The following FCRL2 variants were observed in gnomAD, a reference collection of about 807,000 sequenced individuals.
The protein encoded by FCRL2 is Fc receptor-like protein 2.
Under a neutral mutation model 59.8 loss-of-function variants are expected in FCRL2, and 48 were observed. That is an observed-to-expected ratio of 0.80 (90% CI 0.64 to 1.02). FCRL2 has a LOEUF of 1.02. Among genes scored for constraint, FCRL2 ranks in the 50% least tolerant of loss-of-function variants. The probability of loss-of-function intolerance (pLI) is 0.00; values close to 1 mark genes in which losing one functional copy is unlikely to be tolerated. For missense variants in FCRL2, 658 were observed against 597.3 expected, an observed-to-expected ratio of 1.10 and a Z score of -1.06; for synonymous variants, 251 against 229.5, an observed-to-expected ratio of 1.09 and a Z score of -0.85.
intron 5 of FCRL2, 193 bp from the exon 6 acceptor site, chr1:157,767,702 T>C: frequency 6.4e-7 from 1 of 1,560,248 alleles, no homozygotes; most frequent in Non-Finnish European, 8.7e-7. Flanking sequence ...ATATCAGTTC[T>C]GGGTGCTGCC....
At chr1:157,755,700 A>T (rs1228316276) in intron 7 of FCRL2, among the ~76,000 whole-genome samples, 2 of 152,362 alleles carry the variant, frequency 1.3e-5, no homozygotes, top group Middle Eastern at 3.4e-3. Context: ...AAGATGTTAC[A>T]GTTCTATACA....
Position 157,770,106 on chromosome 1 carries a change from T to A in FCRL2, c.355A>T (p.Ile119Phe). The change falls in exon 4 of 12, where the codon ATC (isoleucine) becomes TTC (phenylalanine). Residue 119 changes from isoleucine to phenylalanine, a missense_variant. By Grantham distance (21) the Ile-to-Phe change is conservative (BLOSUM62 0). Coordinates refer to ENST00000361516, the MANE Select transcript of FCRL2 (RefSeq NM_030764.4). ...PVLTASSFQP[I>F]EGGPVSLKCE... The stretch of plus-strand genomic sequence containing the variant: ...TTCAGGCTCACTGGACCCCCTTCGA[T>A]GGGCTGGAAGGAGCTGGCAGTCAGC... 6.2e-7 allele frequency: 1 copy of A among 1,614,142 alleles called. No homozygotes were observed. Among genetic ancestry groups the A allele is most frequent in the Non-Finnish European group, 8.5e-7 (1 of 1,180,032 alleles).
At chr1:157,750,408 T>C (rs1040551758) in intron 7 of FCRL2, among the ~76,000 whole-genome samples, 1 of 152,198 alleles carries the variant, frequency 6.6e-6, no homozygotes, top group Non-Finnish European at 1.5e-5. Flanking sequence ...CATGAGTGTA[T>C]GTGTGTAGCT....
At chr1:157,765,429 C>G (rs1407580782) in intron 7 of FCRL2, among the ~76,000 whole-genome samples, 1 of 152,218 alleles carries the variant, frequency 6.6e-6, no homozygotes, top group Admixed American at 6.5e-5. Flanking sequence ...GCAATTCTCT[C>G]TAACCCATTC....
In FCRL2 at chr1:157,767,281, T is replaced by C. The variant is rs1437165407; in HGVS notation, c.1112A>G (p.Asn371Ser). Reference sequence around the variant, plus strand: ...ACTGCACTGGGCCCCCAGGCCGTTGTTGGCCTCACAGGAGTAGTTTCCAGA... The same window carrying C: ...ACTGCACTGGGCCCCCAGGCCGTTGCTGGCCTCACAGGAGTAGTTTCCAGA... ...EHSGNYSCEANNGLGAQCSEA... is the reference protein window; with the variant it reads ...EHSGNYSCEASNGLGAQCSEA... Residue 371 changes from asparagine (N) to serine (S), a missense_variant, in exon 6 of 12, where the codon AAC (asparagine) becomes AGC (serine). Coordinates refer to ENST00000361516, the MANE Select transcript of FCRL2 (RefSeq NM_030764.4). 1.3e-5 allele frequency: 21 copies of C among 1,614,086 alleles called. No homozygotes were observed. In the Middle Eastern group the frequency reaches 4.9e-4, roughly 38 times the overall value.
intron 1 of FCRL2, 45 bp from the exon 2 acceptor site, chr1:157,775,840 C>A (rs781431557): frequency 9.4e-6 from 15 of 1,602,866 alleles, no homozygotes; most frequent in African/African-American, 1.3e-5. Flanking sequence ...AGCATTTGCC[C>A]TCATAATTTA....
At chr1:157,776,663 C>A (rs1650438139) in intron 1 of FCRL2, among the ~76,000 whole-genome samples, 1 of 152,098 alleles carries the variant, frequency 6.6e-6, no homozygotes, top group Admixed American at 6.5e-5. Flanking sequence ...ATCTGCTGAA[C>A]CCAAATCTTA....
chr1:157,748,441 C>CAAAT (rs58239785), intron 10 of FCRL2, 112 bp downstream of exon 10: 66,613 of 354,786 alleles, frequency 0.19, 8,242 homozygotes, highest in African/African-American at 0.36. Context: ...GATAGATAGA[C>CAAAT]AAATAAATAA....
chr1:157,770,498 A>C lies in FCRL2; in HGVS notation c.221T>G (p.Leu74Ter), dbSNP rs1649918723. The change falls in exon 3 of 12, where the codon TTA (leucine) becomes TGA (stop). Residue 74 changes from leucine to a stop codon, truncating the protein, a stop_gained. Transcript: ENST00000361516. LOFTEE classifies it high-confidence loss of function. ...FSDFLIQSAV[L>*]SDSGNYFCST... Reference sequence around the variant, plus strand: ...ACAGAAATAGTTACCACTGTCACTTAAAACTGCACTTTGGATAAGGAAATC... The same window carrying C: ...ACAGAAATAGTTACCACTGTCACTTCAAACTGCACTTTGGATAAGGAAATC... 7 of 1,614,188 alleles carry C rather than the reference A, an allele frequency of 4.3e-6. No individual in the cohort carries two copies. The highest frequency in any genetic ancestry group is 5.9e-6 in the Non-Finnish European group (7 of 1,179,978).
At chr1:157,760,090 C>T (rs192381324) in intron 7 of FCRL2, among the ~76,000 whole-genome samples, 4 of 152,268 alleles carry the variant, frequency 2.6e-5, no homozygotes, top group Admixed American at 2.6e-4. Flanking sequence ...GTTACATATA[C>T]ACTATGGAAT....
At chr1:157,748,816 C>G in intron 9 of FCRL2, 59 bp downstream of exon 9, 1 of 1,533,386 alleles carries the variant, frequency 6.5e-7, no homozygotes, top group Non-Finnish European at 9.0e-7. Flanking sequence ...GGTCTCCGCT[C>G]CTGTCTCCTC....
intron 9 of FCRL2, 59 bp from the exon 10 acceptor site, chr1:157,748,677 A>G (rs1267698052): frequency 1.3e-5 from 18 of 1,427,128 alleles, no homozygotes; most frequent in Non-Finnish European, 1.8e-5. Flanking sequence ...CACTTCATAC[A>G]CAGCTTCCCA....
In FCRL2 at chr1:157,777,063, C is replaced by T. The variant is rs1650468303; in HGVS notation, c.11G>A (p.Trp4Ter). 6.2e-7 allele frequency: 1 copy of T among 1,614,078 alleles called. No homozygotes were observed. Among genetic ancestry groups the T allele is most frequent in the Non-Finnish European group, 8.5e-7 (1 of 1,179,968 alleles). MLL[W>*]SLLVIFDAVT... ...CTCACCAAAGATGACCAGCAATGACCACAGCAGCATGAGGACCTAATCCAG... is the reference window on the plus strand; with the variant it reads ...CTCACCAAAGATGACCAGCAATGACTACAGCAGCATGAGGACCTAATCCAG... The change falls in exon 1 of 12, where the codon TGG becomes TAG. Residue 4 changes from tryptophan to a stop codon, truncating the protein, a stop_gained. Transcript: ENST00000361516. LOFTEE classifies it high-confidence loss of function.
chr1:157,757,071 T>C (rs1452992723), intron 7 of FCRL2, among the ~76,000 whole-genome samples: 1 of 152,258 alleles, frequency 6.6e-6, no homozygotes, highest in Non-Finnish European at 1.5e-5. Flanking sequence ...AGTGTGACTC[T>C]GTCATTTGTC....
At chr1:157,767,044 A>T (rs1649548939) in intron 6 of FCRL2, 73 bp from the exon 7 acceptor site, 1 of 1,394,724 alleles carries the variant, frequency 7.2e-7, no homozygotes, top group Non-Finnish European at 9.9e-7. Context: ...CTATATAGGG[A>T]TGTTAAATAC....
At position 157,769,849 on chromosome 1, in the gene FCRL2, G is replaced by T; in HGVS notation, c.595+17C>A. ...TCCTATCTTTTTTTCTCCAGGCTCAGCCTCACTGATACTTGCTCTGCACGT... is the reference window on the plus strand; with the variant it reads ...TCCTATCTTTTTTTCTCCAGGCTCATCCTCACTGATACTTGCTCTGCACGT... On this transcript the variant is annotated intron_variant, in intron 4 of 11. Coordinates refer to ENST00000361516, the MANE Select transcript of FCRL2 (RefSeq NM_030764.4). The T allele has an allele frequency of 6.2e-7, 1 of 1,609,890 alleles. No homozygotes were observed. The highest frequency in any genetic ancestry group is 1.7e-5 in the Admixed American group (1 of 59,824).
rs777897269 is a variant in FCRL2, at chr1:157,767,230, C to T, written c.1162+1G>A. The stretch of plus-strand genomic sequence containing the variant: ...TCTGTATCCAGGTAACACCCACCCA[C>T]CTGAGATGGAGACTGGCACTGCCTC... On this transcript the variant is annotated splice_donor_variant, in intron 6 of 11. Transcript: ENST00000361516. LOFTEE classifies it high-confidence loss of function. The T allele has an allele frequency of 6.2e-7, 1 of 1,610,150 alleles. No homozygotes were observed. The highest frequency in any genetic ancestry group is 8.5e-7 in the Non-Finnish European group (1 of 1,178,080).
rs763431250 is a variant in FCRL2, at chr1:157,760,707, G to GAAATA, written c.1279+6147_1279+6148insTATTT. On this transcript the variant is annotated intron_variant, in intron 7 of 11. Transcript: ENST00000361516. ...AGAAAGAAAGAAAGAAGGAAAGAAA[G>GAAATA]AAAGAAAGAAAGAAAGAAAGAAAGA... Among the ~76,000 whole-genome samples the GAAATA allele has an allele frequency of 3.2e-4, 34 of 105,026 alleles. 1 individual carries two copies. Among genetic ancestry groups the GAAATA allele is most frequent in the African/African-American group, 1.3e-3 (33 of 24,972 alleles). The allele number at this position is 105,026 out of a possible 152,430, so 68.9% of individuals were successfully genotyped here. A position where few individuals can be genotyped will look rare whatever the true frequency, so the allele number is the denominator to read the frequency against.
In FCRL2 at chr1:157,766,858, A is replaced by AT. The variant is rs1314270461; in HGVS notation, c.1275dup (p.Ser426IlefsTer8). On this transcript the variant is annotated frameshift_variant, in exon 7 of 12. Transcript: ENST00000361516. LOFTEE classifies it high-confidence loss of function. ...GAATCCAAATGGTAGATACAACCTG[A>AT]TATCTTGTGGAACAAGGCATACAAC... 6.2e-7 allele frequency: 1 copy of AT among 1,614,078 alleles called. No homozygotes were observed. Among genetic ancestry groups the AT allele is most frequent in the Non-Finnish European group, 8.5e-7 (1 of 1,180,028 alleles).
Sources: allele counts gnomAD v4.1 joint callset (sites outside exome capture counted in the v4.1 genomes callset), GRCh38; gene constraint gnomAD v4.1.1; transcripts MANE v1.5; gene names NCBI Gene and HGNC (gene_info 2026-07-23, HGNC 2026-07-21).